Variants in CLSTN2 observed in about 807,000 individuals in gnomAD.
CLSTN2 encodes calsyntenin 2.
CLSTN2 carries 48 observed loss-of-function variants against 101.2 expected under a neutral mutation model. The ratio of observed to expected loss-of-function variants is 0.47; its 90% CI spans 0.38 to 0.60. CLSTN2 has a LOEUF of 0.60. CLSTN2 is among the 20% of genes least tolerant of loss of function. The pLI, the probability that CLSTN2 is intolerant of heterozygous loss-of-function variation, is 0.00. For synonymous variants in CLSTN2, 481 were observed against 463.6 expected (o/e 1.04, Z -0.48); for missense variants, 1,160 against 1,238.2 (o/e 0.94, Z 0.95).
At chr3:140,235,807 C>T (rs1305477721) in intron 2 of CLSTN2, among the ~76,000 whole-genome samples, 1 of 151,946 alleles carries the variant, frequency 6.6e-6, no homozygotes, top group East Asian at 1.9e-4. Context: ...TAGTGGGGGG[C>T]TGATTAGAGA....
At chr3:139,975,342 A>G (rs1560059063) in intron 1 of CLSTN2, among the ~76,000 whole-genome samples, 1 of 152,102 alleles carries the variant, frequency 6.6e-6, no homozygotes, top group Non-Finnish European at 1.5e-5. Flanking sequence ...AGGCTGCAGG[A>G]CCTGGGCTTG....
rs146598605 is a variant in CLSTN2, at chr3:140,289,440, T to G, written c.232+113367T>G. On this transcript the variant is annotated intron_variant, in intron 2 of 16. Transcript: ENST00000458420. ...TTTTAAAATTTGGAGCCTTTCTTTT[T>G]GGTACCTAGTTAATCTCCCTTTGAA... is the stretch of plus-strand genomic sequence containing the variant. Among the ~76,000 whole-genome samples the G allele has an allele frequency of 2.6e-5, 4 of 152,278 alleles. No individual in the cohort carries two copies. The East Asian group carries it at 7.7e-4, about 29-fold the overall frequency.
intron 8 of CLSTN2, among the ~76,000 whole-genome samples, chr3:140,494,229 G>A (rs1304218920): frequency 6.6e-6 from 1 of 152,108 alleles, no homozygotes; most frequent in Admixed American, 6.5e-5. Context: ...TCCTTCAAGG[G>A]TTCATCTTAA....
chr3:140,323,577 G>A (rs371675899), intron 2 of CLSTN2, among the ~76,000 whole-genome samples: 78 of 152,174 alleles, frequency 5.1e-4, no homozygotes, highest in African/African-American at 1.8e-3. Context: ...CATGATCTGG[G>A]GCAAGTTGCA....
intron 1 of CLSTN2, among the ~76,000 whole-genome samples, chr3:140,112,838 G>A (rs2009178712): frequency 6.6e-6 from 1 of 152,112 alleles, no homozygotes; most frequent in South Asian, 2.1e-4. Context: ...TCTCTGCTTT[G>A]CAAACATGCC....
At chr3:140,294,458 C>T (rs542213081) in intron 2 of CLSTN2, among the ~76,000 whole-genome samples, 1 of 152,330 alleles carries the variant, frequency 6.6e-6, no homozygotes, top group East Asian at 1.9e-4. Context: ...CATCACTGAT[C>T]ACCATCATCA....
chr3:140,286,460 C>A lies in CLSTN2; in HGVS notation c.232+110387C>A, dbSNP rs1440057086. ...CTCCCCACTCCAGTGATGTCCCTGA[C>A]AAATTAGGGAGAAAGAATGGTTTGA... On this transcript the variant is annotated intron_variant, in intron 2 of 16. Coordinates refer to ENST00000458420, the MANE Select transcript of CLSTN2 (RefSeq NM_022131.3). Among the ~76,000 whole-genome samples, 3 of 152,164 alleles carry A rather than the reference C, an allele frequency of 2.0e-5. No homozygotes were observed. The South Asian group carries it at 6.2e-4, about 32-fold the overall frequency.
chr3:140,147,948 T>C lies in CLSTN2; in HGVS notation c.110-28003T>C, dbSNP rs145188777. On this transcript the variant is annotated intron_variant, in intron 1 of 16. Transcript: ENST00000458420. ...CCTGAATTCATCTTGTATGAGTAGC[T>C]ACCTATTTGCCCTTGAAGGTAAAAC... is the stretch of plus-strand genomic sequence containing the variant. 2.0e-5 allele frequency among the ~76,000 whole-genome samples: 3 copies of C among 152,350 alleles called. No homozygotes were observed. In the East Asian group the frequency reaches 5.8e-4, roughly 29 times the overall value.
intron 2 of CLSTN2, among the ~76,000 whole-genome samples, chr3:140,287,813 T>C (rs1197695154): frequency 2.0e-5 from 3 of 152,170 alleles, no homozygotes; most frequent in African/African-American, 4.8e-5. Flanking sequence ...CATTCTAAGA[T>C]AGGTCTATCC....
chr3:140,478,964 G>C (rs1286453929), intron 8 of CLSTN2, among the ~76,000 whole-genome samples: 1 of 152,106 alleles, frequency 6.6e-6, no homozygotes, highest in Non-Finnish European at 1.5e-5. Flanking sequence ...ATCAATGCCA[G>C]AGTTGCCAGA....
At chr3:140,076,678 C>A (rs2008499044) in intron 1 of CLSTN2, among the ~76,000 whole-genome samples, 1 of 134,212 alleles carries the variant, frequency 7.5e-6, no homozygotes. Context: ...CCCACCTTCT[C>A]TCTGAAGTCT....
chr3:140,431,205 C>T (rs183254806), intron 5 of CLSTN2, among the ~76,000 whole-genome samples: 84 of 152,278 alleles, frequency 5.5e-4, no homozygotes, highest in African/African-American at 1.8e-3. Flanking sequence ...TATAGGGAAC[C>T]ATTGTCTTGA....
chr3:140,275,212 T>C (rs192306909), intron 2 of CLSTN2, among the ~76,000 whole-genome samples: 99 of 151,918 alleles, frequency 6.5e-4, no homozygotes, highest in Non-Finnish European at 1.4e-3. Context: ...TGAAATCACA[T>C]CCTTGTTTGA....
chr3:140,231,077 C>G (rs184935755), intron 2 of CLSTN2, among the ~76,000 whole-genome samples: 1 of 152,144 alleles, frequency 6.6e-6, no homozygotes, highest in Non-Finnish European at 1.5e-5. Flanking sequence ...TATAGATCTT[C>G]CCCCACTTCT....
chr3:140,562,392 TG>T, intron 13 of CLSTN2, 84 bp downstream of exon 13: 3 of 1,327,882 alleles, frequency 2.3e-6, no homozygotes, highest in Non-Finnish European at 3.1e-6. Context: ...AGATTGCACC[TG>T]TGAAGGAGCA....
chr3:140,235,800 T>C (rs1016060997), intron 2 of CLSTN2, among the ~76,000 whole-genome samples: 2 of 151,978 alleles, frequency 1.3e-5, no homozygotes, highest in East Asian at 1.9e-4. Flanking sequence ...TAGGTGGTAG[T>C]GGGGGGCTGA....
chr3:140,552,528 C>T (rs1935722524), intron 10 of CLSTN2, among the ~76,000 whole-genome samples: 1 of 152,076 alleles, frequency 6.6e-6, no homozygotes, highest in Admixed American at 6.6e-5. Flanking sequence ...AATGCTGTGG[C>T]ACAGACCAGG....
chr3:140,138,866 AGG>A (rs1418269742), intron 1 of CLSTN2, among the ~76,000 whole-genome samples: 1 of 152,202 alleles, frequency 6.6e-6, no homozygotes, highest in Non-Finnish European at 1.5e-5. Flanking sequence ...CATTTTTAAG[AGG>A]CAGTGTCGGC....
intron 1 of CLSTN2, among the ~76,000 whole-genome samples, chr3:140,063,501 G>A (rs1206147633): frequency 6.6e-6 from 1 of 152,150 alleles, no homozygotes; most frequent in East Asian, 1.9e-4. Context: ...ATGCATTGCA[G>A]TCTCCAGGGC....
Sources: allele counts gnomAD v4.1 joint callset (sites outside exome capture counted in the v4.1 genomes callset), GRCh38; gene constraint gnomAD v4.1.1; transcripts MANE v1.5; gene names NCBI Gene and HGNC (gene_info 2026-07-23, HGNC 2026-07-21).